The following ZNF415 variants were observed in gnomAD, a reference collection of about 807,000 sequenced individuals.
ZNF415 encodes zinc finger protein 415.
A neutral mutation model predicts 7.3 loss-of-function variants in ZNF415; 5 were observed. The observed-to-expected ratio is 0.69, with a 90% CI of 0.36 to 1.44. The LOEUF (loss-of-function observed/expected upper bound fraction) is 1.44, where lower values mean the gene tolerates loss of function less well. ZNF415 is among the 40% of genes most tolerant of loss of function. The pLI is 0.04. For synonymous variants in ZNF415, 207 were observed against 226.3 expected, an observed-to-expected ratio of 0.91 and a Z score of 0.77; for missense variants, 628 against 664.8, an observed-to-expected ratio of 0.94 and a Z score of 0.61.
intron 2 of ZNF415, among the ~76,000 whole-genome samples, chr19:53,121,759 G>A (rs1295155314): frequency 6.6e-6 from 1 of 151,998 alleles, no homozygotes; most frequent in Admixed American, 6.6e-5. Flanking sequence ...ATGTTTCAAA[G>A]TCAATAAAGG....
chr19:53,122,387 C>T, intron 2 of ZNF415: 1 of 1,536,202 alleles, frequency 6.5e-7, no homozygotes, highest in African/African-American at 1.4e-5. Flanking sequence ...ACAGCACTGA[C>T]ACCACGGGAC....
At chr19:53,127,820 T>A (rs1314632927) in intron 1 of ZNF415, among the ~76,000 whole-genome samples, 2 of 144,660 alleles carry the variant, frequency 1.4e-5, no homozygotes, top group African/African-American at 5.2e-5. Context: ...GAGGTTGCAG[T>A]GGGCCAGGAT....
chr19:53,116,200 T>C (rs1289108250), intron 3 of ZNF415, 113 bp downstream of exon 3: 6 of 1,244,194 alleles, frequency 4.8e-6, no homozygotes, highest in Non-Finnish European at 6.7e-6. Flanking sequence ...CATTTCAGAG[T>C]CAACAAGGCC....
chr19:53,117,441 CAA>C (rs58567730), intron 2 of ZNF415, among the ~76,000 whole-genome samples: 3 of 123,478 alleles, frequency 2.4e-5, no homozygotes, highest in Non-Finnish European at 3.5e-5. Flanking sequence ...AATTCCGTCT[CAA>C]AAAAAAAAAA....
chr19:53,130,791 G>C (rs900024117), intron 1 of ZNF415, among the ~76,000 whole-genome samples: 10 of 151,880 alleles, frequency 6.6e-5, no homozygotes, highest in Non-Finnish European at 1.0e-4. Context: ...GATTACAGAT[G>C]CGTGTCACCA....
chr19:53,127,080 G>A (rs1426706288), intron 1 of ZNF415, among the ~76,000 whole-genome samples: 1 of 136,196 alleles, frequency 7.3e-6, no homozygotes, highest in African/African-American at 2.8e-5. Flanking sequence ...TTGGGCCGCA[G>A]GTCAGTGTGC....
chr19:53,131,063 CTTTTTTT>C (rs59835974), intron 1 of ZNF415, among the ~76,000 whole-genome samples: 9 of 51,604 alleles, frequency 1.7e-4, no homozygotes, highest in South Asian at 2.0e-3. Flanking sequence ...TTTCTTGCAA[CTTTTTTT>C]TTTTTTTTTT....
chr19:53,111,155 T>C (rs777921265), intron 3 of ZNF415, among the ~76,000 whole-genome samples: 5 of 152,008 alleles, frequency 3.3e-5, no homozygotes, highest in Non-Finnish European at 5.9e-5. Flanking sequence ...TAGTCAAAAA[T>C]AGGATTAATG....
At chr19:53,127,460 A>G (rs1027033330) in intron 1 of ZNF415, among the ~76,000 whole-genome samples, 20 of 152,232 alleles carry the variant, frequency 1.3e-4, no homozygotes, top group Non-Finnish European at 2.1e-4. Flanking sequence ...CCCACACAAA[A>G]GTACCACCAA....
At chr19:53,113,129 A>C (rs575697430) in intron 3 of ZNF415, among the ~76,000 whole-genome samples, 1 of 150,134 alleles carries the variant, frequency 6.7e-6, no homozygotes, top group South Asian at 2.1e-4. Context: ...ATTTACGACT[A>C]AATGAAAAAG....
At position 53,109,300 on chromosome 19, in the gene ZNF415, A is replaced by G. The variant is rs113879528; in HGVS notation, c.745T>C (p.Cys249Arg). The change falls in exon 4 of 4, where the codon TGT (cysteine) becomes CGT (arginine). Residue 249 changes from cysteine to arginine, a missense_variant. Coordinates refer to ENST00000243643, the MANE Select transcript of ZNF415 (RefSeq NM_018355.4). ...SGEKGYKCDL[C>R]GKVFSQKSNL... Reference sequence around the variant, plus strand: ...GATTTTTGACTAAAGACCTTGCCACACAGATCACATTTATATCCTTTCTCT... The same window carrying G: ...GATTTTTGACTAAAGACCTTGCCACGCAGATCACATTTATATCCTTTCTCT... The G allele has an allele frequency of 2.5e-6, 4 of 1,614,218 alleles. No individual in the cohort carries two copies. Among genetic ancestry groups the G allele is most frequent in the Non-Finnish European group, 3.4e-6 (4 of 1,180,034 alleles).
At position 53,113,218 on chromosome 19, in the gene ZNF415, C is replaced by T. The variant is rs185881615; in HGVS notation, c.136+3095G>A. On this transcript the variant is annotated intron_variant, in intron 3 of 3. Coordinates refer to ENST00000243643, the MANE Select transcript of ZNF415 (RefSeq NM_018355.4). Reference sequence around the variant, plus strand: ...ACAAATGACACTGGACTTTAAAAACCGAGGCATTGGCCGGGCGCGGTGGCT... The same window carrying T: ...ACAAATGACACTGGACTTTAAAAACTGAGGCATTGGCCGGGCGCGGTGGCT... Among the ~76,000 whole-genome samples, 722 of 98,554 alleles carry T rather than the reference C, an allele frequency of 7.3e-3. 152 individuals are homozygous for T. The highest frequency in any genetic ancestry group is 0.025 in the African/African-American group (691 of 27,140). The allele number at this position is 98,554 out of a possible 152,430, so 64.7% of individuals were successfully genotyped here. A position where few individuals can be genotyped will look rare whatever the true frequency, so the allele number is the denominator to read the frequency against.
intron 2 of ZNF415, chr19:53,122,390 C>A (rs1298542619): frequency 6.5e-7 from 1 of 1,536,404 alleles, no homozygotes; most frequent in South Asian, 1.2e-5. Context: ...GCACTGACAC[C>A]ACGGGACCCT....
At position 53,126,311 on chromosome 19, in the gene ZNF415, C is replaced by T. The variant is rs1033114890; in HGVS notation, c.-67-3568G>A. On this transcript the variant is annotated intron_variant, in intron 1 of 3. Transcript: ENST00000243643. The stretch of plus-strand genomic sequence containing the variant: ...AACACATCTGGCTGACTATGGGATC[C>T]CTGTCTGAGGCTCAGCAGACCCACG... 3.3e-4 allele frequency among the ~76,000 whole-genome samples: 50 copies of T among 151,220 alleles called. 1 individual carries two copies. Among genetic ancestry groups the T allele is most frequent in the African/African-American group, 1.2e-3 (50 of 41,204 alleles).
At chr19:53,124,458 G>A (rs1327073028) in intron 1 of ZNF415, 1 of 152,104 alleles carries the variant, frequency 6.6e-6, no homozygotes, top group East Asian at 1.9e-4. Flanking sequence ...CTAAGAGTCA[G>A]AACTCACTCC....
chr19:53,117,480 C>T (rs1208038239), intron 2 of ZNF415, among the ~76,000 whole-genome samples: 2 of 149,720 alleles, frequency 1.3e-5, no homozygotes, highest in Non-Finnish European at 3.0e-5. Flanking sequence ...TAAAAAAAAA[C>T]AGCAAGAGAA....
intron 3 of ZNF415, among the ~76,000 whole-genome samples, chr19:53,114,791 G>A (rs1000599906): frequency 5.9e-5 from 9 of 152,104 alleles, no homozygotes; most frequent in Admixed American, 4.6e-4. Context: ...ACACACCCAC[G>A]AACTGTGGCA....
intron 3 of ZNF415, among the ~76,000 whole-genome samples, chr19:53,111,057 C>T (rs547146046): frequency 2.6e-5 from 4 of 152,212 alleles, no homozygotes; most frequent in African/African-American, 9.6e-5. Flanking sequence ...AATATGTTGG[C>T]CAAAATTCGT....
At chr19:53,129,990 G>A (rs989625153) in intron 1 of ZNF415, among the ~76,000 whole-genome samples, 6 of 151,522 alleles carry the variant, frequency 4.0e-5, no homozygotes, top group African/African-American at 9.7e-5. Flanking sequence ...GCTTGAACCC[G>A]GGAGGCGGAG....
Sources: allele counts gnomAD v4.1 joint callset (sites outside exome capture counted in the v4.1 genomes callset), GRCh38; gene constraint gnomAD v4.1.1; transcripts MANE v1.5; gene names NCBI Gene and HGNC (gene_info 2026-07-23, HGNC 2026-07-21).